The following EYA3 variants were observed in gnomAD, a reference collection of about 807,000 sequenced individuals.
EYA3 encodes protein phosphatase EYA3.
A neutral mutation model predicts 80.0 loss-of-function variants in EYA3; 39 were observed. The ratio of observed to expected loss-of-function variants is 0.49; its 90% confidence interval spans 0.38 to 0.64. The LOEUF (loss-of-function observed/expected upper bound fraction) is 0.64, where lower values mean the gene tolerates loss of function less well. Ranked by LOEUF, EYA3 falls within the 30% of genes least tolerant of loss-of-function variation. The pLI, the probability that EYA3 is intolerant of heterozygous loss-of-function variation, is 0.00. For synonymous variants in EYA3, 206 were observed against 232.8 expected (o/e 0.88, Z 1.05); for missense variants, 523 against 676.1 (o/e 0.77, Z 2.51).
At chr1:27,995,066 G>T (rs1640342159) in intron 13 of EYA3, among the ~76,000 whole-genome samples, 1 of 151,906 alleles carries the variant, frequency 6.6e-6, no homozygotes. Flanking sequence ...AATAAAATTT[G>T]TAACAGTGAA....
chr1:27,993,482 T>G lies in EYA3; in HGVS notation c.1221A>C (p.Gly407=). ...GSHGSSVGVQ[G]GVDWMRKLAF... The stretch of plus-strand genomic sequence containing the variant: ...CTAGTTTCCTCATCCAGTCCACACC[T>G]CCCTGAACACCCACAGATGAACCAT... The change falls in exon 14 of 18, where the codon GGA becomes GGC. Residue 407 remains glycine (G), a synonymous_variant. Coordinates refer to ENST00000373871, the MANE Select transcript of EYA3 (RefSeq NM_001990.4). The G allele has an allele frequency of 1.2e-6, 2 of 1,613,374 alleles. No individual in the cohort carries two copies. The highest frequency in any genetic ancestry group is 1.7e-6 in the Non-Finnish European group (2 of 1,179,744).
intron 11 of EYA3, among the ~76,000 whole-genome samples, chr1:28,001,965 G>C (rs984200851): frequency 1.8e-4 from 27 of 151,488 alleles, no homozygotes; most frequent in African/African-American, 6.6e-4. Context: ...GCCCAGGCTG[G>C]AGTGCAATGG....
chr1:27,980,402 C>T (rs1319358944), intron 16 of EYA3, among the ~76,000 whole-genome samples: 5 of 152,128 alleles, frequency 3.3e-5, no homozygotes, highest in Admixed American at 1.3e-4. Flanking sequence ...TCTTGTAAGA[C>T]TCAACAAAGG....
chr1:28,017,043 C>G (rs1365130559), intron 8 of EYA3, 111 bp downstream of exon 8: 1 of 863,342 alleles, frequency 1.2e-6, no homozygotes, highest in Non-Finnish European at 1.8e-6. Flanking sequence ...AAAGTCTCCA[C>G]AGCCCATACT....
chr1:27,977,641 G>A (rs539101097), intron 17 of EYA3, among the ~76,000 whole-genome samples: 168 of 152,056 alleles, frequency 1.1e-3, no homozygotes, highest in Non-Finnish European at 9.7e-4. Context: ...ACAAGGTCAG[G>A]AGTTCGAGAC....
rs759444057 is a variant in EYA3 at position 28,011,106 on chromosome 1, C to T, written c.770-20G>A. 3.1e-6 allele frequency: 5 copies of T among 1,607,714 alleles called. No homozygotes were observed. The highest frequency in any genetic ancestry group is 1.3e-5 in the African/African-American group (1 of 74,678). ...GGTCTCCTGGAAAGAAAAAGTGAAA[C>T]ATATGTTGTCAGGAGTCACAGGCTA... On this transcript the variant is annotated intron_variant, in intron 9 of 17. Coordinates refer to ENST00000373871, the MANE Select transcript of EYA3 (RefSeq NM_001990.4).
At position 27,998,928 on chromosome 1, in the gene EYA3, C is replaced by T. The variant is rs145039177; in HGVS notation, c.1083+1032G>A. ...GGATTACAGGTGTGCGCCACCATGCCCGGCTAATTTTTGTATTTTTGGTAG... is the reference window on the plus strand; with the variant it reads ...GGATTACAGGTGTGCGCCACCATGCTCGGCTAATTTTTGTATTTTTGGTAG... On this transcript the variant is annotated intron_variant, in intron 12 of 17. Transcript: ENST00000373871. 6.8e-3 allele frequency among the ~76,000 whole-genome samples: 1,034 copies of T among 152,010 alleles called. 14 individuals are homozygous for T. Among genetic ancestry groups the T allele is most frequent in the African/African-American group, 0.023 (971 of 41,442 alleles).
At chr1:28,068,186 A>G (rs1429196649) in intron 1 of EYA3, among the ~76,000 whole-genome samples, 1 of 151,952 alleles carries the variant, frequency 6.6e-6, no homozygotes, top group Non-Finnish European at 1.5e-5. Context: ...AAATAAAAAA[A>G]ATTAGCGTGG....
intron 16 of EYA3, among the ~76,000 whole-genome samples, chr1:27,982,379 C>A (rs1308118390): frequency 2.0e-5 from 3 of 151,336 alleles, no homozygotes; most frequent in African/African-American, 7.3e-5. Flanking sequence ...CTCCTGGTCT[C>A]AAGTGATTCT....
intron 14 of EYA3, among the ~76,000 whole-genome samples, chr1:27,992,411 C>T (rs150160051): frequency 0.019 from 2,867 of 152,126 alleles, 69 homozygotes; most frequent in African/African-American, 0.057. Context: ...AATCTAATGC[C>T]GCCACTGATC....
intron 6 of EYA3, among the ~76,000 whole-genome samples, chr1:28,035,191 T>C (rs912416347): frequency 3.9e-5 from 6 of 152,144 alleles, no homozygotes; most frequent in Non-Finnish European, 7.3e-5. Context: ...TCAGACTACC[T>C]GGTGTTAGCA....
At chr1:28,055,716 C>A (rs770416629) in intron 2 of EYA3, among the ~76,000 whole-genome samples, 2 of 152,080 alleles carry the variant, frequency 1.3e-5, no homozygotes, top group Non-Finnish European at 2.9e-5. Context: ...AGTGATCCAC[C>A]CACCTCCACC....
At position 27,974,384 on chromosome 1, in the gene EYA3, A is replaced by G; in HGVS notation, c.*82T>C. ...CAGAGACACAGAGAGAGACAGACAG[A>G]GAAAGTTCTCAGTTGGTTCCAGTCT... is the stretch of plus-strand genomic sequence containing the variant. On this transcript the variant is annotated 3_prime_UTR_variant, in exon 18 of 18. Coordinates refer to ENST00000373871, the MANE Select transcript of EYA3 (RefSeq NM_001990.4). The G allele has an allele frequency of 2.0e-6, 2 of 980,170 alleles. No homozygotes were observed. Among genetic ancestry groups the G allele is most frequent in the Non-Finnish European group, 3.2e-6 (2 of 634,400 alleles). The allele number at this position is 980,170 out of a possible 1,614,324, so 60.7% of individuals were successfully genotyped here.
chr1:28,011,967 T>A (rs1384782386), intron 9 of EYA3, among the ~76,000 whole-genome samples: 1 of 152,196 alleles, frequency 6.6e-6, no homozygotes, highest in Non-Finnish European at 1.5e-5. Context: ...ACAAAACTCA[T>A]AACATTTATG....
At chr1:28,073,127 A>ATATATATATATATTT (rs1553157671) in intron 1 of EYA3, among the ~76,000 whole-genome samples, 11 of 14,994 alleles carry the variant, frequency 7.3e-4, no homozygotes, top group East Asian at 6.8e-3. Context: ...ATATATATAT[A>ATATATATATATATTT]TTTTTTTTTT....
chr1:27,983,200 A>G (rs190364229), intron 16 of EYA3, among the ~76,000 whole-genome samples: 8 of 152,348 alleles, frequency 5.3e-5, no homozygotes, highest in African/African-American at 2.4e-5. Context: ...AGCTATATAA[A>G]TAAGTGGGCA....
intron 15 of EYA3, 25 bp downstream of exon 15, chr1:27,989,672 A>G: frequency 6.9e-7 from 1 of 1,439,670 alleles, no homozygotes; most frequent in African/African-American, 1.4e-5. Context: ...TGAGAGGATG[A>G]GACCTAAAAG....
At chr1:27,992,741 A>G (rs1005267474) in intron 14 of EYA3, among the ~76,000 whole-genome samples, 8 of 152,218 alleles carry the variant, frequency 5.3e-5, no homozygotes, top group Non-Finnish European at 1.2e-4. Flanking sequence ...TATGGTTACA[A>G]ATTTGCAATG....
At chr1:28,062,988 AACTG>A (rs147968910) in intron 1 of EYA3, among the ~76,000 whole-genome samples, 5,625 of 150,138 alleles carry the variant, frequency 0.037, 150 homozygotes, top group South Asian at 0.07. Context: ...GGCGACAGGA[AACTG>A]ACTAACGCTC....
Sources: gnomAD v4.1 joint callset for allele counts (sites outside exome capture counted in the v4.1 genomes callset) on GRCh38, gnomAD v4.1.1 for gene constraint, MANE v1.5 for transcripts, NCBI Gene and HGNC (gene_info 2026-07-23, HGNC 2026-07-21) for gene names.